The following DGKB variants were observed in gnomAD, a reference collection of about 807,000 sequenced individuals.
DGKB encodes the protein 90 kDa diacylglycerol kinase.
A neutral mutation model predicts 114.3 loss-of-function variants in DGKB; 67 were observed. The observed-to-expected ratio is 0.59, with a 90% CI of 0.48 to 0.72. The LOEUF (loss-of-function observed/expected upper bound fraction) is 0.72. Ranked by LOEUF, DGKB falls within the 30% of genes least tolerant of loss-of-function variation. DGKB has a pLI of 0.00. For synonymous variants in DGKB, 398 were observed against 323.1 expected (o/e 1.23, Z -2.49); for missense variants, 907 against 975.2 (o/e 0.93, Z 0.93).
intron 1 of DGKB, among the ~76,000 whole-genome samples, chr7:14,842,071 C>A (rs1848016034): frequency 6.6e-6 from 1 of 152,142 alleles, no homozygotes; most frequent in Admixed American, 6.5e-5. Context: ...TCTGTAAAGG[C>A]AAACAAAATG....
At chr7:14,745,185 A>G (rs751215403) in intron 4 of DGKB, among the ~76,000 whole-genome samples, 1 of 152,058 alleles carries the variant, frequency 6.6e-6, no homozygotes, top group South Asian at 2.1e-4. Flanking sequence ...GTTTTAATAT[A>G]TGTCTTCTAA....
intron 12 of DGKB, among the ~76,000 whole-genome samples, chr7:14,677,125 G>C (rs922814827): frequency 6.6e-6 from 1 of 151,882 alleles, no homozygotes; most frequent in African/African-American, 2.4e-5. Context: ...AGAAAAAGCT[G>C]TCTCAAGATA....
intron 23 of DGKB, among the ~76,000 whole-genome samples, chr7:14,218,323 T>A (rs1298169380): frequency 6.6e-6 from 1 of 152,100 alleles, no homozygotes; most frequent in Non-Finnish European, 1.5e-5. Flanking sequence ...ATTTACAAGG[T>A]CATAGTTTTA....
intron 23 of DGKB, among the ~76,000 whole-genome samples, chr7:14,257,101 T>A (rs943478482): frequency 6.6e-6 from 1 of 152,154 alleles, no homozygotes; most frequent in African/African-American, 2.4e-5. Context: ...AATTCAAGGT[T>A]ACAGTGAGCT....
In DGKB at chr7:14,753,962, G is replaced by C; in HGVS notation, c.148-14C>G. 6.7e-7 allele frequency: 1 copy of C among 1,501,882 alleles called. No individual in the cohort carries two copies. Among genetic ancestry groups the C allele is most frequent in the Non-Finnish European group, 9.1e-7 (1 of 1,095,194 alleles). The allele number at this position is 1,501,882 out of a possible 1,614,324, so 93.0% of individuals were successfully genotyped here. A position where few individuals can be genotyped will look rare whatever the true frequency, so the allele number is the denominator to read the frequency against. Reference sequence around the variant, plus strand: ...AATGTCTTGTTTCTGTGCATGCAAGGAAAGAAAGAATACATGTGTTAATGT... The same window carrying C: ...AATGTCTTGTTTCTGTGCATGCAAGCAAAGAAAGAATACATGTGTTAATGT... On this transcript the variant is annotated splice_polypyrimidine_tract_variant and intron_variant, in intron 3 of 25. Coordinates refer to ENST00000402815, the MANE Select transcript of DGKB (RefSeq NM_001350709.2).
chr7:14,239,249 T>C (rs1316040521), intron 23 of DGKB, among the ~76,000 whole-genome samples: 4 of 152,036 alleles, frequency 2.6e-5, no homozygotes, highest in African/African-American at 9.7e-5. Flanking sequence ...AAAAGTGCAG[T>C]TGGAACATCA....
intron 23 of DGKB, among the ~76,000 whole-genome samples, chr7:14,336,497 C>T (rs755747255): frequency 6.6e-6 from 1 of 152,084 alleles, no homozygotes; most frequent in South Asian, 2.1e-4. Context: ...AACTATTTCC[C>T]ATCTGTGTAC....
chr7:14,889,917 C>T (rs1009705889), intron 1 of DGKB, among the ~76,000 whole-genome samples: 4 of 151,314 alleles, frequency 2.6e-5, no homozygotes, highest in African/African-American at 9.7e-5. Flanking sequence ...TTCTGATTGG[C>T]CTGGGATAAA....
At chr7:14,809,223 G>A (rs1177093254) in intron 2 of DGKB, among the ~76,000 whole-genome samples, 3 of 152,058 alleles carry the variant, frequency 2.0e-5, no homozygotes, top group Non-Finnish European at 4.4e-5. Flanking sequence ...GCACTTAATA[G>A]TATTTTATAT....
At chr7:14,200,919 T>C (rs1244365211) in intron 23 of DGKB, among the ~76,000 whole-genome samples, 7 of 151,986 alleles carry the variant, frequency 4.6e-5, no homozygotes. Flanking sequence ...GAGCTTGGGT[T>C]TTCCTTACAT....
At chr7:14,916,101 C>A (rs929130148) in intron 1 of DGKB, among the ~76,000 whole-genome samples, 1 of 137,430 alleles carries the variant, frequency 7.3e-6, no homozygotes, top group Non-Finnish European at 1.5e-5. Flanking sequence ...CATGCATGTA[C>A]CATCTTTGAA....
chr7:14,237,802 ACGTT>A (rs900116712), intron 23 of DGKB, among the ~76,000 whole-genome samples: 23 of 151,872 alleles, frequency 1.5e-4, no homozygotes, highest in African/African-American at 4.3e-4. Flanking sequence ...AAAAAACAAG[ACGTT>A]TGTTTTTTAT....
intron 23 of DGKB, among the ~76,000 whole-genome samples, chr7:14,179,498 G>A (rs17167948): frequency 0.33 from 49,534 of 152,004 alleles, 10,665 homozygotes; most frequent in African/African-American, 0.62. Context: ...ATTTGAGGTC[G>A]GACTCATAGA....
intron 23 of DGKB, among the ~76,000 whole-genome samples, chr7:14,332,607 A>G (rs1809930997): frequency 6.6e-6 from 1 of 152,180 alleles, no homozygotes; most frequent in African/African-American, 2.4e-5. Flanking sequence ...TTAAAAGAAA[A>G]TTTTGATTAA....
intron 14 of DGKB, among the ~76,000 whole-genome samples, chr7:14,629,286 G>C (rs368625015): frequency 6.6e-5 from 10 of 151,932 alleles, no homozygotes; most frequent in Middle Eastern, 6.3e-3. Context: ...TATAAAATCA[G>C]TTTAACATTT....
chr7:14,498,900 G>C (rs1584402896), intron 20 of DGKB, among the ~76,000 whole-genome samples: 1 of 151,684 alleles, frequency 6.6e-6, no homozygotes, highest in Admixed American at 6.6e-5. Context: ...GAATCACTTG[G>C]AGATGGGCTG....
intron 1 of DGKB, among the ~76,000 whole-genome samples, chr7:14,918,564 A>T (rs1303192016): frequency 6.6e-6 from 1 of 152,190 alleles, no homozygotes; most frequent in Non-Finnish European, 1.5e-5. Context: ...CAAAATATAT[A>T]CAGGATGTAT....
chr7:14,821,220 A>G (rs1450669650), intron 2 of DGKB, among the ~76,000 whole-genome samples: 3 of 152,090 alleles, frequency 2.0e-5, no homozygotes, highest in Admixed American at 6.6e-5. Flanking sequence ...TATTTTTTCT[A>G]TTTACCCTAG....
At chr7:14,414,180 T>A (rs544428620) in intron 21 of DGKB, among the ~76,000 whole-genome samples, 107 of 152,238 alleles carry the variant, frequency 7.0e-4, no homozygotes, top group Non-Finnish European at 1.2e-3. Flanking sequence ...TTTACAAATG[T>A]CTGGAGCTTA....
Sources: gnomAD v4.1 joint callset for allele counts (sites outside exome capture counted in the v4.1 genomes callset) on GRCh38, gnomAD v4.1.1 for gene constraint, MANE v1.5 for transcripts, NCBI Gene and HGNC (gene_info 2026-07-23, HGNC 2026-07-21) for gene names.